Variants in CUEDC1 observed in about 807,000 individuals in gnomAD.
CUEDC1 encodes CUE domain-containing protein 1.
Under a neutral mutation model 43.7 loss-of-function variants are expected in CUEDC1, and 30 were observed. That is an observed-to-expected ratio of 0.69 (90% CI 0.51 to 0.93). The LOEUF is 0.93. Ranked by LOEUF, CUEDC1 falls within the 40% of genes least tolerant of loss-of-function variation. The probability of loss-of-function intolerance (pLI) is 0.00; values close to 1 mark genes in which losing one functional copy is unlikely to be tolerated. For missense variants in CUEDC1, 486 were observed against 549.0 expected (o/e 0.89, Z 1.15); for synonymous variants, 223 against 223.6 (o/e 1.00, Z 0.02).
intron 10 of CUEDC1, among the ~76,000 whole-genome samples, chr17:57,863,538 C>T (rs566918648): frequency 6.6e-6 from 1 of 152,110 alleles, no homozygotes; most frequent in African/African-American, 2.4e-5. Flanking sequence ...AATGGAATCC[C>T]GGGGTGAAGC....
intron 3 of CUEDC1, among the ~76,000 whole-genome samples, chr17:57,876,477 C>A (rs1442784647): frequency 2.0e-5 from 3 of 152,218 alleles, no homozygotes; most frequent in African/African-American, 2.4e-5. Context: ...AGACCCTGAT[C>A]TCCTTGGCAG....
chr17:57,946,138 C>G (rs2074958116), intron 1 of CUEDC1, among the ~76,000 whole-genome samples: 3 of 152,182 alleles, frequency 2.0e-5, no homozygotes, highest in African/African-American at 7.2e-5. Flanking sequence ...GGATGAAGCA[C>G]AGGCATTCTG....
intron 1 of CUEDC1, among the ~76,000 whole-genome samples, chr17:57,914,462 GT>G (rs1034441887): frequency 3.9e-5 from 6 of 152,128 alleles, no homozygotes; most frequent in African/African-American, 1.4e-4. Context: ...TAAAGCACAG[GT>G]TCAGGTTGCT....
intron 6 of CUEDC1, chr17:57,869,783 C>T (rs1029323015): frequency 6.5e-6 from 1 of 152,918 alleles, no homozygotes; most frequent in African/African-American, 2.4e-5. Flanking sequence ...GAGTCAGAAC[C>T]CCACCGGCCA....
intron 7 of CUEDC1, 100 bp from the exon 8 acceptor site, chr17:57,868,343 C>CCG (rs1361076626): frequency 9.5e-7 from 1 of 1,047,164 alleles, no homozygotes; most frequent in Non-Finnish European, 1.5e-6. Context: ...CAAGGCCCCC[C>CCG]GGAGAGGGAG....
chr17:57,884,690 C>T (rs1158054255), intron 2 of CUEDC1, among the ~76,000 whole-genome samples: 1 of 152,194 alleles, frequency 6.6e-6, no homozygotes, highest in African/African-American at 2.4e-5. Context: ...TGGGTCTCAG[C>T]TTAGGGTTTC....
intron 10 of CUEDC1, among the ~76,000 whole-genome samples, chr17:57,863,862 G>A (rs985085375): frequency 7.2e-5 from 11 of 151,842 alleles, no homozygotes; most frequent in Admixed American, 3.3e-4. Context: ...TTAGCCGGGC[G>A]GGGTGGCACG....
At chr17:57,933,222 C>G (rs1421644471) in intron 1 of CUEDC1, among the ~76,000 whole-genome samples, 1 of 152,190 alleles carries the variant, frequency 6.6e-6, no homozygotes, top group Admixed American at 6.5e-5. Flanking sequence ...AACCACTGAA[C>G]AGAGCTGCTC....
intron 1 of CUEDC1, among the ~76,000 whole-genome samples, chr17:57,909,253 C>G (rs992163681): frequency 9.9e-5 from 15 of 152,048 alleles, no homozygotes; most frequent in African/African-American, 3.4e-4. Context: ...CCTCAGCCTC[C>G]CAAAGTGCTG....
chr17:57,888,916 C>T (rs1411874749), intron 1 of CUEDC1, among the ~76,000 whole-genome samples: 1 of 152,240 alleles, frequency 6.6e-6, no homozygotes, highest in Non-Finnish European at 1.5e-5. Context: ...GAAAGATGAC[C>T]TGGGCCACCC....
Position 57,919,240 on chromosome 17 carries a change from C to T in CUEDC1, c.-315-33361G>A, listed in dbSNP as rs372798773. ...TGTCATCCAGGCTGGAGTACAATGG[C>T]GCGATCTCGGCTCACTGCAACCTCC... On this transcript the variant is annotated intron_variant, in intron 1 of 10. Coordinates refer to ENST00000577830, the MANE Select transcript of CUEDC1 (RefSeq NM_001271875.2). 5.1e-4 allele frequency among the ~76,000 whole-genome samples: 77 copies of T among 152,098 alleles called. 1 individual carries two copies. The South Asian group carries it at 0.014, about 27-fold the overall frequency.
At chr17:57,934,534 G>A (rs2074840671) in intron 1 of CUEDC1, among the ~76,000 whole-genome samples, 2 of 128,850 alleles carry the variant, frequency 1.6e-5, no homozygotes, top group African/African-American at 3.0e-5. Flanking sequence ...TCCAGCCTAG[G>A]CAATATAGCA....
At chr17:57,927,817 T>C (rs1185891924) in intron 1 of CUEDC1, among the ~76,000 whole-genome samples, 1 of 152,270 alleles carries the variant, frequency 6.6e-6, no homozygotes, top group African/African-American at 2.4e-5. Flanking sequence ...ATTCATGCAA[T>C]GTAAGCTTTA....
At chr17:57,890,008 C>T (rs899080085) in intron 1 of CUEDC1, among the ~76,000 whole-genome samples, 8 of 152,162 alleles carry the variant, frequency 5.3e-5, no homozygotes, top group Non-Finnish European at 1.0e-4. Context: ...AGCAAGTAGG[C>T]GACAGGTTTA....
rs563956475 is a variant in CUEDC1 at position 57,869,651 on chromosome 17, C to T, written c.869-458G>A. 3.3e-5 allele frequency among the ~76,000 whole-genome samples: 5 copies of T among 152,282 alleles called. No individual in the cohort carries two copies. The East Asian group carries it at 5.8e-4, about 18-fold the overall frequency. ...GTCAAATGAGGTGCTGGCTCAGAGC[C>T]GGCATTCACCTGTAGCAAGTCCCTT... is the stretch of plus-strand genomic sequence containing the variant. On this transcript the variant is annotated intron_variant, in intron 6 of 10. Transcript: ENST00000577830.
intron 1 of CUEDC1, among the ~76,000 whole-genome samples, chr17:57,900,101 G>A (rs1351008603): frequency 6.6e-6 from 1 of 152,200 alleles, no homozygotes; most frequent in Non-Finnish European, 1.5e-5. Flanking sequence ...GGCAGTGCAG[G>A]GAAGGACCTC....
chr17:57,904,772 GT>G (rs2074510678), intron 1 of CUEDC1, among the ~76,000 whole-genome samples: 1 of 152,164 alleles, frequency 6.6e-6, no homozygotes, highest in Non-Finnish European at 1.5e-5. Context: ...CCGTAGGGGA[GT>G]GGGGGGGCCT....
chr17:57,895,412 GGGT>G (rs2074398370), intron 1 of CUEDC1, among the ~76,000 whole-genome samples: 1 of 152,214 alleles, frequency 6.6e-6, no homozygotes, highest in African/African-American at 2.4e-5. Flanking sequence ...GAGAGGCTGG[GGGT>G]GCCTGGGTGC....
intron 1 of CUEDC1, among the ~76,000 whole-genome samples, chr17:57,928,435 G>A (rs1390818158): frequency 6.6e-6 from 1 of 151,454 alleles, no homozygotes; most frequent in African/African-American, 2.4e-5. Context: ...TGTAGTCCCA[G>A]CTACTCGGGA....
Sources: gnomAD v4.1 joint callset for allele counts (sites outside exome capture counted in the v4.1 genomes callset) on GRCh38, gnomAD v4.1.1 for gene constraint, MANE v1.5 for transcripts, NCBI Gene and HGNC (gene_info 2026-07-23, HGNC 2026-07-21) for gene names.